Variants in IPMK observed in about 807,000 individuals in gnomAD.
IPMK encodes the protein inositol polyphosphate multikinase.
In IPMK, 17 loss-of-function variants were observed where a neutral mutation model predicts 45.8. That is an observed-to-expected ratio of 0.37 (90% CI 0.25 to 0.56). The LOEUF (loss-of-function observed/expected upper bound fraction) is 0.56. Among genes scored for constraint, IPMK ranks in the 20% least tolerant of loss-of-function variants. The pLI is 0.79. For missense variants in IPMK, 399 were observed against 498.0 expected (o/e 0.80, Z 1.89); for synonymous variants, 180 against 184.3 (o/e 0.98, Z 0.19).
chr10:58,192,991 T>TGTA lies in IPMK; in HGVS notation c.*3082_*3084dup, dbSNP rs1307195709. 6.6e-6 allele frequency: 1 copy of TGTA among 151,840 alleles called. No individual in the cohort carries two copies. Among genetic ancestry groups the TGTA allele is most frequent in the Non-Finnish European group, 1.5e-5 (1 of 67,822 alleles). 9.4% of individuals were successfully genotyped at this position (151,840 alleles called of 1,614,324 possible). A position where few individuals can be genotyped will look rare whatever the true frequency, so the allele number is the denominator to read the frequency against. ...AAAATGCCAAACTACTAAGAGAAAA[T>TGTA]GTACTAAAATGACAATGCTTTACCA... is the stretch of plus-strand genomic sequence containing the variant. On this transcript the variant is annotated 3_prime_UTR_variant, in exon 6 of 6. Transcript: ENST00000373935.
intron 1 of IPMK, among the ~76,000 whole-genome samples, chr10:58,266,646 C>G (rs369796104): frequency 6.6e-6 from 1 of 152,144 alleles, no homozygotes; most frequent in African/African-American, 2.4e-5. Flanking sequence ...CCCAGGGAAC[C>G]ACTACGGGTA....
chr10:58,216,421 G>T, intron 3 of IPMK, 104 bp from the exon 4 acceptor site: 2 of 489,048 alleles, frequency 4.1e-6, no homozygotes, highest in African/African-American at 2.0e-5. Context: ...AGAGAAAAAA[G>T]TTAAAATAAA....
At chr10:58,255,512 C>T (rs774971747) in intron 1 of IPMK, among the ~76,000 whole-genome samples, 14 of 152,114 alleles carry the variant, frequency 9.2e-5, no homozygotes, top group Non-Finnish European at 1.9e-4. Flanking sequence ...TCTGATTCTC[C>T]CCTGGGCTCT....
chr10:58,221,741 T>A (rs1352826846), intron 3 of IPMK, among the ~76,000 whole-genome samples: 1 of 151,934 alleles, frequency 6.6e-6, no homozygotes, highest in Non-Finnish European at 1.5e-5. Context: ...ATTTTTTTTC[T>A]TTTCTTTTCT....
intron 1 of IPMK, among the ~76,000 whole-genome samples, chr10:58,264,330 T>C (rs1407061343): frequency 6.6e-6 from 1 of 152,196 alleles, no homozygotes. Context: ...TTAGGTTAAT[T>C]AGTTTCAGAG....
chr10:58,207,351 G>A (rs1207299243), intron 4 of IPMK, among the ~76,000 whole-genome samples: 2 of 152,230 alleles, frequency 1.3e-5, no homozygotes, highest in East Asian at 1.9e-4. Flanking sequence ...TTGCAACTGC[G>A]AATTGTACTG....
chr10:58,244,133 C>G, intron 1 of IPMK, among the ~76,000 whole-genome samples: 1 of 150,082 alleles, frequency 6.7e-6, no homozygotes, highest in East Asian at 2.0e-4. Flanking sequence ...GCCTGGCCAC[C>G]CTGTCTGGGA....
intron 1 of IPMK, among the ~76,000 whole-genome samples, chr10:58,242,341 T>C (rs1838707417): frequency 6.6e-6 from 1 of 151,806 alleles, no homozygotes; most frequent in African/African-American, 2.4e-5. Context: ...ACGCCTGTAG[T>C]CTCAGCTACT....
chr10:58,236,742 A>G (rs1588964586), intron 2 of IPMK, among the ~76,000 whole-genome samples: 1 of 151,110 alleles, frequency 6.6e-6, no homozygotes, highest in Non-Finnish European at 1.5e-5. Flanking sequence ...TCTCTCTACA[A>G]AAAAAAAAAC....
At chr10:58,260,937 A>G (rs1839055423) in intron 1 of IPMK, among the ~76,000 whole-genome samples, 1 of 152,156 alleles carries the variant, frequency 6.6e-6, no homozygotes, top group Non-Finnish European at 1.5e-5. Context: ...CTGTATGTAA[A>G]TGCAAAGGAC....
At chr10:58,238,823 G>C (rs573914986) in intron 1 of IPMK, among the ~76,000 whole-genome samples, 1 of 151,568 alleles carries the variant, frequency 6.6e-6, no homozygotes, top group Admixed American at 6.6e-5. Flanking sequence ...AGTCTCAAGA[G>C]ATACAGAAAT....
At chr10:58,226,075 A>G (rs1838410923) in intron 3 of IPMK, among the ~76,000 whole-genome samples, 1 of 152,170 alleles carries the variant, frequency 6.6e-6, no homozygotes, top group South Asian at 2.1e-4. Context: ...TCATACAATT[A>G]AAGTACAGAG....
intron 4 of IPMK, among the ~76,000 whole-genome samples, chr10:58,209,733 A>T (rs904888218): frequency 6.6e-6 from 1 of 152,186 alleles, no homozygotes; most frequent in Admixed American, 6.5e-5. Context: ...TGGTTATGCT[A>T]GCAGTGAAGT....
intron 4 of IPMK, among the ~76,000 whole-genome samples, chr10:58,207,303 T>C (rs1348033720): frequency 6.6e-6 from 1 of 152,250 alleles, no homozygotes; most frequent in African/African-American, 2.4e-5. Context: ...TCTTTATCCA[T>C]TCATTGGTTG....
intron 1 of IPMK, among the ~76,000 whole-genome samples, chr10:58,256,617 AC>A (rs1225369325): frequency 6.6e-6 from 1 of 150,898 alleles, no homozygotes; most frequent in African/African-American, 2.4e-5. Flanking sequence ...CCCTGTTCGT[AC>A]CCCCCTCCCC....
intron 1 of IPMK, among the ~76,000 whole-genome samples, chr10:58,240,657 G>GA (rs200716414): frequency 1.2e-3 from 133 of 113,978 alleles, no homozygotes; most frequent in South Asian, 1.4e-3. Flanking sequence ...CATACACCAC[G>GA]AAAAAAAAAA....
intron 1 of IPMK, among the ~76,000 whole-genome samples, chr10:58,238,839 T>G (rs997382162): frequency 1.3e-5 from 2 of 150,822 alleles, no homozygotes; most frequent in African/African-American, 4.9e-5. Context: ...GAAATCAAGT[T>G]TGTTTTTTGT....
intron 3 of IPMK, among the ~76,000 whole-genome samples, chr10:58,225,083 T>A (rs1838392712): frequency 6.6e-6 from 1 of 152,170 alleles, no homozygotes; most frequent in African/African-American, 2.4e-5. Flanking sequence ...ACTGGACCAC[T>A]CTGTTATCAT....
chr10:58,264,480 T>C (rs1302482949), intron 1 of IPMK, among the ~76,000 whole-genome samples: 2 of 152,192 alleles, frequency 1.3e-5, no homozygotes, highest in Non-Finnish European at 2.9e-5. Context: ...ATATCAGATT[T>C]CCATCATTTG....
Sources: gnomAD v4.1 joint callset for allele counts (sites outside exome capture counted in the v4.1 genomes callset) on GRCh38, gnomAD v4.1.1 for gene constraint, MANE v1.5 for transcripts, NCBI Gene and HGNC (gene_info 2026-07-23, HGNC 2026-07-21) for gene names.